CSMD1: variants seen among roughly 807,000 people sequenced by gnomAD.
CSMD1 encodes the protein CUB and Sushi multiple domains 1.
CSMD1 carries 213 observed loss-of-function variants against 417.5 expected under a neutral mutation model. The ratio of observed to expected loss-of-function variants is 0.51; its 90% CI spans 0.46 to 0.57. The LOEUF is 0.57. Ranked by LOEUF, CSMD1 falls within the 20% of genes least tolerant of loss-of-function variation. CSMD1 has a pLI of 0.00. For synonymous variants in CSMD1, 2,862 were observed against 1,736.8 expected, an observed-to-expected ratio of 1.65 and a Z score of -16.11; for missense variants, 6,923 against 4,529.7, an observed-to-expected ratio of 1.53 and a Z score of -15.17.
chr8:4,639,375 G>T (rs555726003), intron 1 of CSMD1, among the ~76,000 whole-genome samples: 1 of 151,790 alleles, frequency 6.6e-6, no homozygotes, highest in South Asian at 2.1e-4. Context: ...CAGATCGTTG[G>T]AAGTGTGCTC....
intron 3 of CSMD1, among the ~76,000 whole-genome samples, chr8:4,054,208 T>G (rs1798576901): frequency 1.3e-5 from 2 of 152,166 alleles, no homozygotes; most frequent in African/African-American, 4.8e-5. Context: ...AAGAAATGAT[T>G]TGGCGCCACC....
At chr8:4,184,177 G>A (rs1714781) in intron 3 of CSMD1, among the ~76,000 whole-genome samples, 21,516 of 152,134 alleles carry the variant, frequency 0.14, 1,631 homozygotes, top group Middle Eastern at 0.23. Flanking sequence ...CAATGGAAAT[G>A]TTATATTAAA....
At chr8:4,194,405 C>G (rs1206018489) in intron 3 of CSMD1, among the ~76,000 whole-genome samples, 2 of 152,158 alleles carry the variant, frequency 1.3e-5, no homozygotes, top group African/African-American at 4.8e-5. Flanking sequence ...ACAATGGACA[C>G]TCCAAATAGC....
intron 1 of CSMD1, among the ~76,000 whole-genome samples, chr8:4,904,959 C>T (rs527621398): frequency 7.2e-5 from 11 of 152,206 alleles, no homozygotes; most frequent in African/African-American, 2.4e-4. Context: ...GGGACCATGC[C>T]GCCGCTTCAA....
rs540215759 is a variant in CSMD1 at position 3,129,552 on chromosome 8, A to G, written c.6242-10965T>C. Among the ~76,000 whole-genome samples the G allele has an allele frequency of 1.8e-3, 268 of 149,256 alleles. 1 individual carries two copies. Among genetic ancestry groups the G allele is most frequent in the African/African-American group, 6.4e-3 (256 of 40,208 alleles). On this transcript the variant is annotated intron_variant, in intron 41 of 69. Transcript: ENST00000635120. ...CACTTTGGGAGGCCGAGGTGGGTGG[A>G]TCACTTGAGGTCAGGAGTTCAAGAC... is the stretch of plus-strand genomic sequence containing the variant.
chr8:4,988,602 G>A (rs149247408), intron 1 of CSMD1, among the ~76,000 whole-genome samples: 6 of 152,218 alleles, frequency 3.9e-5, no homozygotes, highest in Non-Finnish European at 5.9e-5. Context: ...CACATTTAGA[G>A]TTGGTGGATG....
chr8:2,938,764 A>C lies in CSMD1; in HGVS notation c.10536-20T>G, dbSNP rs773726523. On this transcript the variant is annotated intron_variant, in intron 69 of 69. Transcript: ENST00000635120. Reference sequence around the variant, plus strand: ...CTCGTTCTAAGGAAAACAGAAAACAAATCATTAGAATCCTGGTTTCATTTG... The same window carrying C: ...CTCGTTCTAAGGAAAACAGAAAACACATCATTAGAATCCTGGTTTCATTTG... 10 of 1,578,836 alleles carry C rather than the reference A, an allele frequency of 6.3e-6. No individual in the cohort carries two copies. The highest frequency in any genetic ancestry group is 5.5e-5 in the Admixed American group (3 of 54,892).
intron 3 of CSMD1, among the ~76,000 whole-genome samples, chr8:4,159,570 C>A (rs1470714431): frequency 6.6e-6 from 1 of 152,106 alleles, no homozygotes; most frequent in Non-Finnish European, 1.5e-5. Flanking sequence ...TTCACAGCAA[C>A]CTGGATGGGA....
chr8:4,113,759 A>G (rs1489520508), intron 3 of CSMD1, among the ~76,000 whole-genome samples: 1 of 152,164 alleles, frequency 6.6e-6, no homozygotes, highest in East Asian at 1.9e-4. Context: ...CTTATTGGTG[A>G]GATGGAGAAA....
intron 7 of CSMD1, among the ~76,000 whole-genome samples, chr8:3,656,733 C>T (rs1798129982): frequency 6.6e-6 from 1 of 152,130 alleles, no homozygotes; most frequent in Non-Finnish European, 1.5e-5. Flanking sequence ...CGAGACCAGC[C>T]TGGCTAACAT....
chr8:3,808,741 C>T (rs953055643), intron 5 of CSMD1, among the ~76,000 whole-genome samples: 8 of 152,298 alleles, frequency 5.3e-5, no homozygotes, highest in Middle Eastern at 3.4e-3. Context: ...TCTTTCCTAG[C>T]ATAGCCTTGC....
intron 5 of CSMD1, among the ~76,000 whole-genome samples, chr8:3,875,647 T>C (rs1805765591): frequency 6.6e-6 from 1 of 152,050 alleles, no homozygotes. Flanking sequence ...CTCCGGAGCA[T>C]GGAAGTGGGT....
intron 35 of CSMD1, among the ~76,000 whole-genome samples, chr8:3,188,547 T>C (rs1376539370): frequency 6.6e-6 from 1 of 152,020 alleles, no homozygotes; most frequent in Non-Finnish European, 1.5e-5. Context: ...CATCAAGTGA[T>C]CTTCCTGTCT....
chr8:4,398,559 A>T (rs997891861), intron 3 of CSMD1, among the ~76,000 whole-genome samples: 15 of 151,664 alleles, frequency 9.9e-5, no homozygotes, highest in African/African-American at 3.4e-4. Flanking sequence ...ATGCCCGGCC[A>T]AATTTTTTTG....
chr8:4,694,217 T>C (rs1806965848), intron 1 of CSMD1, among the ~76,000 whole-genome samples: 1 of 152,192 alleles, frequency 6.6e-6, no homozygotes. Flanking sequence ...ATTGCTTCCT[T>C]TGAAAAGACT....
intron 10 of CSMD1, among the ~76,000 whole-genome samples, chr8:3,523,407 T>G (rs940638385): frequency 6.6e-6 from 1 of 152,152 alleles, no homozygotes; most frequent in Non-Finnish European, 1.5e-5. Flanking sequence ...CAATGAGAGA[T>G]CAAAGCGTTT....
chr8:3,077,436 T>C (rs1813763169), intron 49 of CSMD1, among the ~76,000 whole-genome samples: 1 of 152,320 alleles, frequency 6.6e-6, no homozygotes, highest in South Asian at 2.1e-4. Context: ...TGCATCGATG[T>C]GGTCTACATG....
At chr8:4,521,701 G>C (rs915735220) in intron 2 of CSMD1, among the ~76,000 whole-genome samples, 1 of 152,128 alleles carries the variant, frequency 6.6e-6, no homozygotes, top group African/African-American at 2.4e-5. Context: ...GCCCTCCTCT[G>C]GTATAAGCCA....
chr8:4,412,911 T>G (rs1168226485), intron 3 of CSMD1, among the ~76,000 whole-genome samples: 1 of 151,992 alleles, frequency 6.6e-6, no homozygotes. Context: ...CTGACAACAA[T>G]CAGATAAAAG....
Sources: gnomAD v4.1 joint callset for allele counts (sites outside exome capture counted in the v4.1 genomes callset) on GRCh38, gnomAD v4.1.1 for gene constraint, MANE v1.5 for transcripts, NCBI Gene and HGNC (gene_info 2026-07-23, HGNC 2026-07-21) for gene names.